The following FAM178B variants were observed in gnomAD, a reference collection of about 807,000 sequenced individuals.
The protein encoded by FAM178B is protein FAM178B.
A neutral mutation model predicts 91.7 loss-of-function variants in FAM178B; 82 were observed. The ratio of observed to expected loss-of-function variants is 0.89; its 90% CI spans 0.75 to 1.07. The LOEUF is 1.07. FAM178B is among the 50% of genes least tolerant of loss of function. FAM178B has a pLI of 0.00. For missense variants in FAM178B, 769 were observed against 846.7 expected (o/e 0.91, Z 1.14); for synonymous variants, 368 against 359.4 (o/e 1.02, Z -0.27).
At chr2:96,909,092 G>A (rs747351189) in intron 12 of FAM178B, among the ~76,000 whole-genome samples, 10 of 143,290 alleles carry the variant, frequency 7.0e-5, no homozygotes, top group South Asian at 2.2e-4. Context: ...GCAGTGAGCC[G>A]ACATCACGCC....
At chr2:96,985,574 T>C (rs2082412750) in intron 1 of FAM178B, among the ~76,000 whole-genome samples, 1 of 152,222 alleles carries the variant, frequency 6.6e-6, no homozygotes, top group Non-Finnish European at 1.5e-5. Context: ...AAGTGTAGCA[T>C]GAGGCCAAAT....
chr2:96,889,118 ACAT>A (rs1267699094), intron 14 of FAM178B, among the ~76,000 whole-genome samples: 1 of 152,134 alleles, frequency 6.6e-6, no homozygotes, highest in African/African-American at 2.4e-5. Flanking sequence ...TCCACTGGGG[ACAT>A]CATCTGGCTG....
chr2:96,881,035 T>A (rs1400595112), intron 14 of FAM178B, among the ~76,000 whole-genome samples: 1 of 150,988 alleles, frequency 6.6e-6, no homozygotes, highest in Admixed American at 6.6e-5. Context: ...ACGCCTGTAA[T>A]CCCAGCATTC....
chr2:96,967,909 G>GACTTT (rs2082164900), intron 4 of FAM178B, among the ~76,000 whole-genome samples: 1 of 40,228 alleles, frequency 2.5e-5, no homozygotes, highest in Admixed American at 2.1e-4. Flanking sequence ...ACCCTGTTTG[G>GACTTT]TCTTTTTTTT....
At chr2:96,933,392 T>C (rs746279893) in intron 8 of FAM178B, among the ~76,000 whole-genome samples, 7 of 152,012 alleles carry the variant, frequency 4.6e-5, no homozygotes, top group East Asian at 1.9e-4. Flanking sequence ...GGGGGGAAGA[T>C]AGAGGAAGAA....
intron 8 of FAM178B, among the ~76,000 whole-genome samples, chr2:96,935,907 A>ATT (rs1381099634): frequency 6.6e-6 from 1 of 151,890 alleles, no homozygotes; most frequent in African/African-American, 2.4e-5. Flanking sequence ...AAGTGCTGAG[A>ATT]TTACAGGCGT....
intron 14 of FAM178B, among the ~76,000 whole-genome samples, chr2:96,879,889 T>C (rs1006170389): frequency 6.6e-6 from 1 of 152,260 alleles, no homozygotes; most frequent in Non-Finnish European, 1.5e-5. Flanking sequence ...GATGCACTGC[T>C]GGCTCCCTGA....
intron 10 of FAM178B, among the ~76,000 whole-genome samples, chr2:96,922,496 CGCG>C (rs1347949460): frequency 6.6e-6 from 1 of 151,764 alleles, no homozygotes; most frequent in East Asian, 2.0e-4. Context: ...ATTACAGGCA[CGCG>C]CCACCGCGCC....
At chr2:96,981,758 A>AAAAAG (rs2082365736) in intron 1 of FAM178B, among the ~76,000 whole-genome samples, 2 of 150,642 alleles carry the variant, frequency 1.3e-5, no homozygotes, top group African/African-American at 4.9e-5. Flanking sequence ...AAAAAAAAAA[A>AAAAAG]AAAAGAAAGA....
At chr2:96,919,349 G>C (rs1172927615) in intron 12 of FAM178B, among the ~76,000 whole-genome samples, 1 of 152,162 alleles carries the variant, frequency 6.6e-6, no homozygotes, top group African/African-American at 2.4e-5. Flanking sequence ...GGGGAGCATG[G>C]TAAGGCAGAG....
At chr2:96,949,071 T>C (rs1189504171) in intron 7 of FAM178B, among the ~76,000 whole-genome samples, 2 of 152,082 alleles carry the variant, frequency 1.3e-5, no homozygotes, top group South Asian at 2.1e-4. Context: ...AACAAGAACA[T>C]ACATTCATTG....
chr2:96,960,273 C>T lies in FAM178B; in HGVS notation c.887+15G>A. The T allele has an allele frequency of 6.4e-7, 1 of 1,551,438 alleles. No homozygotes were observed. Among genetic ancestry groups the T allele is most frequent in the Non-Finnish European group, 8.7e-7 (1 of 1,146,944 alleles). On this transcript the variant is annotated intron_variant, in intron 6 of 16. Coordinates refer to ENST00000490605, the MANE Select transcript of FAM178B (RefSeq NM_001122646.3). ...CAGGCTGCGCCACCCCCTCACCCCTCCTCCCCACACTTACCTGAGGAACAG... is the reference window on the plus strand; with the variant it reads ...CAGGCTGCGCCACCCCCTCACCCCTTCTCCCCACACTTACCTGAGGAACAG...
chr2:96,977,849 T>C (rs1403632073), intron 1 of FAM178B: 1 of 456,024 alleles, frequency 2.2e-6, no homozygotes, highest in Non-Finnish European at 4.4e-6. Context: ...TTGACGGTTT[T>C]TGCTGTTCCA....
rs1037669037 is a variant in FAM178B at position 96,986,549 on chromosome 2, G to A, written c.-236C>T. 5 of 523,910 alleles carry A rather than the reference G, an allele frequency of 9.5e-6. No homozygotes were observed. Among genetic ancestry groups the A allele is most frequent in the Non-Finnish European group, 1.7e-5 (5 of 297,394 alleles). 32.5% of individuals were successfully genotyped at this position (523,910 alleles called of 1,614,324 possible). On this transcript the variant is annotated 5_prime_UTR_variant, in exon 1 of 17. Coordinates refer to ENST00000490605, the MANE Select transcript of FAM178B (RefSeq NM_001122646.3). ...AAGCGGCCAGCTCACAGCCGCCGCCGCCGCCAGCTGGGGAGCTCGCCGGCC... is the reference window on the plus strand; with the variant it reads ...AAGCGGCCAGCTCACAGCCGCCGCCACCGCCAGCTGGGGAGCTCGCCGGCC...
intron 1 of FAM178B, among the ~76,000 whole-genome samples, chr2:96,973,684 T>C (rs1415546526): frequency 1.3e-5 from 2 of 152,182 alleles, no homozygotes; most frequent in Non-Finnish European, 2.9e-5. Flanking sequence ...ACATGGTCAA[T>C]AAATAATCAA....
intron 12 of FAM178B, among the ~76,000 whole-genome samples, chr2:96,903,130 C>G (rs974746615): frequency 6.6e-6 from 1 of 152,216 alleles, no homozygotes; most frequent in Non-Finnish European, 1.5e-5. Flanking sequence ...AGCTCCGCCT[C>G]CCGGGTTCAC....
At chr2:96,919,331 C>A (rs1169065097) in intron 12 of FAM178B, among the ~76,000 whole-genome samples, 1 of 152,178 alleles carries the variant, frequency 6.6e-6, no homozygotes, top group Non-Finnish European at 1.5e-5. Context: ...CCTGGCCCTG[C>A]AGGCAATGGG....
intron 12 of FAM178B, among the ~76,000 whole-genome samples, chr2:96,912,139 G>A (rs1559068521): frequency 6.6e-6 from 1 of 152,114 alleles, no homozygotes. Flanking sequence ...AGGCTGCCAC[G>A]CAGCCAGTGA....
intron 15 of FAM178B, 95 bp from the exon 16 acceptor site, chr2:96,878,137 G>A: frequency 1.5e-6 from 2 of 1,362,466 alleles, no homozygotes; most frequent in East Asian, 2.3e-5. Flanking sequence ...GAAAGGAAGG[G>A]GCACATTTGA....
Sources: gnomAD v4.1 joint callset for allele counts (sites outside exome capture counted in the v4.1 genomes callset) on GRCh38, gnomAD v4.1.1 for gene constraint, MANE v1.5 for transcripts, NCBI Gene and HGNC (gene_info 2026-07-23, HGNC 2026-07-21) for gene names.